EML5: variants seen among roughly 807,000 people sequenced by gnomAD.
The protein encoded by EML5 is EMAP like 5, also known as echinoderm microtubule-associated protein-like 5.
A neutral mutation model predicts 250.0 loss-of-function variants in EML5; 120 were observed. That is an observed-to-expected ratio of 0.48 (90% CI 0.41 to 0.56). EML5 has a LOEUF of 0.56. Ranked by LOEUF, EML5 falls within the 20% of genes least tolerant of loss-of-function variation. The pLI is 0.00. For synonymous variants in EML5, 771 were observed against 806.5 expected (o/e 0.96, Z 0.75); for missense variants, 2,006 against 2,437.6 (o/e 0.82, Z 3.73).
intron 9 of EML5, among the ~76,000 whole-genome samples, chr14:88,713,966 T>C (rs964893344): frequency 3.3e-5 from 5 of 151,362 alleles, no homozygotes; most frequent in African/African-American, 9.7e-5. Flanking sequence ...ACCTCCCGAA[T>C]AGCTGGGACC....
At chr14:88,717,126 A>G (rs1161079455) in intron 8 of EML5, among the ~76,000 whole-genome samples, 1 of 152,188 alleles carries the variant, frequency 6.6e-6, no homozygotes, top group Non-Finnish European at 1.5e-5. Flanking sequence ...AGACATATCA[A>G]AGGAAGTGGA....
At chr14:88,741,692 T>C (rs560645699) in intron 4 of EML5, among the ~76,000 whole-genome samples, 5 of 152,184 alleles carry the variant, frequency 3.3e-5, no homozygotes, top group African/African-American at 7.2e-5. Context: ...CACTCCAGCA[T>C]GGGCCACATG....
In EML5 at chr14:88,792,681, G is replaced by C. The variant is rs902615599; in HGVS notation, c.-178C>G. 1.2e-5 allele frequency: 14 copies of C among 1,137,250 alleles called. No individual in the cohort carries two copies. The African/African-American group carries it at 2.1e-4, about 17-fold the overall frequency. The allele number at this position is 1,137,250 out of a possible 1,614,324, so 70.4% of individuals were successfully genotyped here. ...GCCGCCGCCGCCTCAGCCCACAGGC[G>C]GGAGGAAAACCCTCGCCTCGCGGAA... On this transcript the variant is annotated 5_prime_UTR_variant, in exon 1 of 44. Coordinates refer to ENST00000554922, the MANE Select transcript of EML5 (RefSeq NM_183387.3). The surrounding 1 kb of genome is among the most constrained non-coding windows in gnomAD (Gnocchi z 6.9).
At chr14:88,662,339 GTTTT>G (rs71127000) in intron 24 of EML5, among the ~76,000 whole-genome samples, 2 of 55,654 alleles carry the variant, frequency 3.6e-5, no homozygotes, top group African/African-American at 1.3e-4. Context: ...AATTTTTCTT[GTTTT>G]TTTTTTTTTT....
At chr14:88,658,094 A>G in intron 26 of EML5, 93 bp downstream of exon 26, 3 of 1,296,400 alleles carry the variant, frequency 2.3e-6, no homozygotes, top group Non-Finnish European at 3.3e-6. Context: ...CAATTATTCA[A>G]ACATTATTAT....
At chr14:88,760,891 T>C (rs2094231268) in intron 1 of EML5, among the ~76,000 whole-genome samples, 1 of 152,186 alleles carries the variant, frequency 6.6e-6, no homozygotes, top group African/African-American at 2.4e-5. Flanking sequence ...GTAAAATTTA[T>C]ATAGATATTT....
chr14:88,751,129 G>A (rs955844360), intron 2 of EML5, among the ~76,000 whole-genome samples: 1 of 152,114 alleles, frequency 6.6e-6, no homozygotes, highest in African/African-American at 2.4e-5. Flanking sequence ...AACATATCAT[G>A]ACCCAAACCA....
intron 4 of EML5, among the ~76,000 whole-genome samples, chr14:88,743,577 T>C (rs2093958614): frequency 6.6e-6 from 1 of 152,072 alleles, no homozygotes; most frequent in Non-Finnish European, 1.5e-5. Flanking sequence ...TTTTAAAATG[T>C]GAAAATAAAA....
chr14:88,652,869 A>G (rs1172910829), intron 27 of EML5, among the ~76,000 whole-genome samples: 2 of 152,136 alleles, frequency 1.3e-5, no homozygotes, highest in Non-Finnish European at 2.9e-5. Context: ...TTAAAAAGTG[A>G]TCTCTAAATT....
intron 1 of EML5, among the ~76,000 whole-genome samples, chr14:88,780,722 C>T (rs1420862579): frequency 3.9e-5 from 6 of 152,098 alleles, no homozygotes; most frequent in African/African-American, 1.4e-4. Context: ...ATTACAGGCG[C>T]GCGCCATCAT....
At chr14:88,674,785 A>G (rs893693204) in intron 21 of EML5, among the ~76,000 whole-genome samples, 4 of 152,064 alleles carry the variant, frequency 2.6e-5, no homozygotes, top group Admixed American at 1.3e-4. Context: ...ATGAGCTTGT[A>G]AAATCAAAAG....
At chr14:88,780,808 C>T (rs1004065278) in intron 1 of EML5, among the ~76,000 whole-genome samples, 3 of 152,096 alleles carry the variant, frequency 2.0e-5, no homozygotes, top group Admixed American at 6.5e-5. Context: ...CTCTTGACCT[C>T]GTGATCCATC....
At chr14:88,717,239 CA>C (rs1254091224) in intron 8 of EML5, among the ~76,000 whole-genome samples, 1 of 152,142 alleles carries the variant, frequency 6.6e-6, no homozygotes, top group African/African-American at 2.4e-5. Flanking sequence ...GCAGAGACAA[CA>C]GTATGTGAAA....
chr14:88,639,326 C>G (rs969613599), intron 31 of EML5, among the ~76,000 whole-genome samples: 1 of 152,116 alleles, frequency 6.6e-6, no homozygotes, highest in African/African-American at 2.4e-5. Context: ...GTTGTGTATC[C>G]ATATAACAGG....
chr14:88,715,326 CAAG>C, intron 8 of EML5, 131 bp from the exon 9 acceptor site: 1 of 885,466 alleles, frequency 1.1e-6, no homozygotes, highest in Non-Finnish European at 1.7e-6. Context: ...ATAAATAACA[CAAG>C]TAGTATTAAT....
chr14:88,708,222 T>C (rs542899770), intron 10 of EML5, among the ~76,000 whole-genome samples: 6 of 152,312 alleles, frequency 3.9e-5, no homozygotes, highest in South Asian at 2.1e-4. Flanking sequence ...TAATAACTTG[T>C]TCTGATAAAT....
intron 2 of EML5, among the ~76,000 whole-genome samples, chr14:88,752,947 A>G (rs143735547): frequency 1.8e-4 from 27 of 152,288 alleles, no homozygotes; most frequent in South Asian, 1.5e-3. Flanking sequence ...CCATTGCTCA[A>G]TAAAATCCTC....
intron 16 of EML5, 38 bp from the exon 17 acceptor site, chr14:88,694,445 C>T: frequency 1.5e-6 from 2 of 1,366,696 alleles, no homozygotes; most frequent in South Asian, 1.3e-5. Context: ...TCTGAAGATT[C>T]ATCATTCCTG....
chr14:88,619,622 G>A (rs1320252773), intron 39 of EML5: 2 of 152,186 alleles, frequency 1.3e-5, no homozygotes, highest in Admixed American at 6.5e-5. Context: ...AAAGAACACA[G>A]CCCAGCTTAA....
Sources: allele counts gnomAD v4.1 joint callset (sites outside exome capture counted in the v4.1 genomes callset), GRCh38; gene constraint gnomAD v4.1.1; non-coding constraint Gnocchi (gnomAD v3.1); transcripts MANE v1.5; gene names NCBI Gene and HGNC (gene_info 2026-07-23, HGNC 2026-07-21).